Variants in SLC26A8 observed in about 807,000 individuals in gnomAD.
SLC26A8 encodes the protein testis anion transporter 1.
A neutral mutation model predicts 105.0 loss-of-function variants in SLC26A8; 70 were observed. The observed-to-expected ratio is 0.67, with a 90% CI of 0.55 to 0.81. The LOEUF (loss-of-function observed/expected upper bound fraction) is 0.81. Among genes scored for constraint, SLC26A8 ranks in the 40% least tolerant of loss-of-function variants. SLC26A8 has a pLI of 0.00. For missense variants in SLC26A8, 998 were observed against 1,181.8 expected (o/e 0.84, Z 2.28); for synonymous variants, 415 against 438.3 (o/e 0.95, Z 0.66).
At chr6:36,010,845 G>A (rs1282768516) in intron 3 of SLC26A8, among the ~76,000 whole-genome samples, 1 of 152,040 alleles carries the variant, frequency 6.6e-6, no homozygotes, top group African/African-American at 2.4e-5. Flanking sequence ...AGCCAAGTGG[G>A]TTAAAATCAA....
chr6:36,015,898 C>A lies in SLC26A8; in HGVS notation c.189-3526G>T, dbSNP rs114914151. 6.9e-3 allele frequency among the ~76,000 whole-genome samples: 1,050 copies of A among 152,136 alleles called. 9 individuals are homozygous for A. Among genetic ancestry groups the A allele is most frequent in the African/African-American group, 0.025 (1,018 of 41,508 alleles). ...ACATGTGCCAATTGTGGGTGATAAACCAGGGGACAAGAAGGACTAATAAAT... is the reference window on the plus strand; with the variant it reads ...ACATGTGCCAATTGTGGGTGATAAAACAGGGGACAAGAAGGACTAATAAAT... On this transcript the variant is annotated intron_variant, in intron 2 of 19. Transcript: ENST00000490799.
intron 9 of SLC26A8, among the ~76,000 whole-genome samples, chr6:35,975,704 G>A (rs756244902): frequency 4.6e-5 from 7 of 151,714 alleles, no homozygotes; most frequent in Middle Eastern, 3.2e-3. Flanking sequence ...ACCTGAGGTC[G>A]GGAGTTTGAG....
chr6:35,979,007 ATTTTTTT>A (rs34335766), intron 8 of SLC26A8, among the ~76,000 whole-genome samples: 1 of 98,306 alleles, frequency 1.0e-5, no homozygotes, highest in Non-Finnish European at 2.0e-5. Context: ...CACCTGGCTA[ATTTTTTT>A]TTTTTTTTTT....
Position 35,960,859 on chromosome 6 carries a change from A to C in SLC26A8, c.1622T>G (p.Ile541Ser). Residue 541 changes from isoleucine (I) to serine (S), a missense_variant, in exon 14 of 20, where the codon ATC becomes AGC. Physicochemically the swap from Ile to Ser is moderately radical, Grantham distance 142. Coordinates refer to ENST00000490799, the MANE Select transcript of SLC26A8 (RefSeq NM_052961.4). ...QIPNTNIYRS[I>S]NDYREIITIP... ...GATTCTTACCTCCCGATAATCATTGATGCTTCTATAAATGTTGGTGTTAGG... is the reference window on the plus strand; with the variant it reads ...GATTCTTACCTCCCGATAATCATTGCTGCTTCTATAAATGTTGGTGTTAGG... 6.2e-7 allele frequency: 1 copy of C among 1,614,140 alleles called. No homozygotes were observed. The highest frequency in any genetic ancestry group is 8.5e-7 in the Non-Finnish European group (1 of 1,180,022).
intron 17 of SLC26A8, among the ~76,000 whole-genome samples, chr6:35,953,527 A>G (rs1771950782): frequency 6.6e-6 from 1 of 152,246 alleles, no homozygotes; most frequent in African/African-American, 2.4e-5. Context: ...CACGTAGTAG[A>G]CACTCAGCAA....
chr6:35,954,063 AG>A lies in SLC26A8; in HGVS notation c.2232+1088del, dbSNP rs1229925270. 3.9e-5 allele frequency among the ~76,000 whole-genome samples: 6 copies of A among 152,336 alleles called. No individual in the cohort carries two copies. The East Asian group carries it at 1.2e-3, about 29-fold the overall frequency. On this transcript the variant is annotated intron_variant, in intron 17 of 19. Coordinates refer to ENST00000490799, the MANE Select transcript of SLC26A8 (RefSeq NM_052961.4). The stretch of plus-strand genomic sequence containing the variant: ...TGTTCAAACCTGAGCCATCACCAAG[AG>A]GGAGACAGAGTGCTGTAAACTGGGA...
rs752477239 is a variant in SLC26A8 at position 35,961,147 on chromosome 6, A to G, written c.1462-48T>C. ...GAAAATGATCATGAAAACAAGTTCA[A>G]CTGAGAAAATGATCAGTCCTGTTTC... On this transcript the variant is annotated intron_variant, in intron 12 of 19. Coordinates refer to ENST00000490799, the MANE Select transcript of SLC26A8 (RefSeq NM_052961.4). 6 of 1,468,976 alleles carry G rather than the reference A, an allele frequency of 4.1e-6. No homozygotes were observed. In the Admixed American group the frequency reaches 5.1e-5, roughly 12 times the overall value. 91.0% of individuals were successfully genotyped at this position (1,468,976 alleles called of 1,614,324 possible).
intron 1 of SLC26A8, among the ~76,000 whole-genome samples, chr6:36,020,049 A>G (rs1762093030): frequency 6.6e-6 from 1 of 152,230 alleles, no homozygotes; most frequent in Admixed American, 6.5e-5. Flanking sequence ...GTATTAATCA[A>G]CAATTTTCAC....
At chr6:35,961,218 AAATATTCC>A in intron 12 of SLC26A8, 119 bp from the exon 13 acceptor site, 1 of 771,516 alleles carries the variant, frequency 1.3e-6, no homozygotes, top group Non-Finnish European at 2.1e-6. Flanking sequence ...GGCTTTAGGG[AAATATTCC>A]ATAGCCACAT....
intron 3 of SLC26A8, among the ~76,000 whole-genome samples, chr6:36,009,858 T>C (rs567826189): frequency 1.3e-4 from 20 of 152,320 alleles, no homozygotes; most frequent in African/African-American, 4.1e-4. Flanking sequence ...GGGTAAAGGG[T>C]ACATGGGTTC....
chr6:35,993,143 G>A (rs958962430), intron 5 of SLC26A8, among the ~76,000 whole-genome samples: 8 of 135,442 alleles, frequency 5.9e-5, no homozygotes, highest in African/African-American at 2.2e-4. Flanking sequence ...GACTACAGAT[G>A]CTCACACTGG....
chr6:35,964,398 G>A (rs1772422312), intron 11 of SLC26A8, among the ~76,000 whole-genome samples: 1 of 152,162 alleles, frequency 6.6e-6, no homozygotes, highest in Non-Finnish European at 1.5e-5. Flanking sequence ...TGTAATCCCA[G>A]AACTTTGGGA....
intron 12 of SLC26A8, 35 bp from the exon 13 acceptor site, chr6:35,961,134 G>T: frequency 6.5e-7 from 1 of 1,538,780 alleles, no homozygotes; most frequent in Non-Finnish European, 9.0e-7. Context: ...AAATGATCAT[G>T]AAAACAAGTT....
rs148520377 is a variant in SLC26A8, at chr6:35,968,447, C to T, written c.1365+430G>A. Among the ~76,000 whole-genome samples, 646 of 150,724 alleles carry T rather than the reference C, an allele frequency of 4.3e-3. 7 individuals are homozygous for T. Among genetic ancestry groups the T allele is most frequent in the African/African-American group, 0.015 (620 of 41,194 alleles). ...GGCGGTGCCCTGTATCCCAGTTATACGGTGTATAACTGTATAACCCAGTTA... is the reference window on the plus strand; with the variant it reads ...GGCGGTGCCCTGTATCCCAGTTATATGGTGTATAACTGTATAACCCAGTTA... On this transcript the variant is annotated intron_variant, in intron 11 of 19. Transcript: ENST00000490799.
rs755529715 is a variant in SLC26A8 at position 35,992,593 on chromosome 6, C to T, written c.709G>A (p.Ala237Thr). The T allele has an allele frequency of 1.2e-6, 2 of 1,614,040 alleles. No homozygotes were observed. Among genetic ancestry groups the T allele is most frequent in the Admixed American group, 3.3e-5 (2 of 60,004 alleles). The part of the protein sequence containing the change: ...SAMSAYLAAV[A>T]LHIMLSQLTF... ...AGCTGGGACAGCATGATATGAAGTG[C>T]CACAGCAGCCAGGTAAGCACTCATT... The change falls in exon 6 of 20, where the codon GCA becomes ACA. Residue 237 changes from alanine to threonine, a missense_variant. Coordinates refer to ENST00000490799, the MANE Select transcript of SLC26A8 (RefSeq NM_052961.4).
intron 5 of SLC26A8, 54 bp downstream of exon 5, chr6:35,997,684 T>A: frequency 6.4e-7 from 1 of 1,559,738 alleles, no homozygotes; most frequent in Non-Finnish European, 8.7e-7. Context: ...AAGGGGTCTG[T>A]TTATAGCCCC....
chr6:35,990,884 A>G (rs146969017), intron 7 of SLC26A8, among the ~76,000 whole-genome samples: 99 of 152,198 alleles, frequency 6.5e-4, no homozygotes, highest in African/African-American at 2.1e-3. Flanking sequence ...ATGAGCCCGT[A>G]TTTCTTTCAT....
At chr6:35,977,399 T>C (rs773773180) in intron 8 of SLC26A8, 48 bp from the exon 9 acceptor site, 3 of 1,578,726 alleles carry the variant, frequency 1.9e-6, no homozygotes, top group African/African-American at 1.4e-5. Flanking sequence ...AATCCTTTCT[T>C]GGTACCTCCG....
chr6:35,986,491 C>T (rs1224245673), intron 7 of SLC26A8, among the ~76,000 whole-genome samples: 1 of 152,132 alleles, frequency 6.6e-6, no homozygotes, highest in Non-Finnish European at 1.5e-5. Context: ...TGGCCAACAT[C>T]TCCCCAAACC....
Sources: gnomAD v4.1 joint callset for allele counts (sites outside exome capture counted in the v4.1 genomes callset) on GRCh38, gnomAD v4.1.1 for gene constraint, MANE v1.5 for transcripts, NCBI Gene and HGNC (gene_info 2026-07-23, HGNC 2026-07-21) for gene names.